TMEM154: variants seen among roughly 807,000 people sequenced by gnomAD.
TMEM154 encodes the protein transmembrane protein 154.
TMEM154 carries 27 observed loss-of-function variants against 24.5 expected under a neutral mutation model. The ratio of observed to expected loss-of-function variants is 1.10; its 90% CI spans 0.81 to 1.52. The LOEUF (loss-of-function observed/expected upper bound fraction) is 1.52, where lower values mean the gene tolerates loss of function less well. Ranked by LOEUF, TMEM154 falls within the 40% of genes most tolerant of loss-of-function variation. The pLI is 0.00. For synonymous variants in TMEM154, 67 were observed against 76.8 expected (o/e 0.87, Z 0.67); for missense variants, 228 against 213.4 (o/e 1.07, Z -0.43).
intron 1 of TMEM154, among the ~76,000 whole-genome samples, chr4:152,660,858 G>A (rs572082338): frequency 1.8e-4 from 27 of 152,292 alleles, no homozygotes; most frequent in Non-Finnish European, 3.5e-4. Context: ...GCTCAGATGC[G>A]TTGCCAGAAA....
intron 1 of TMEM154, among the ~76,000 whole-genome samples, chr4:152,679,050 G>C (rs1305653306): frequency 2.0e-5 from 3 of 152,244 alleles, no homozygotes; most frequent in African/African-American, 7.2e-5. Context: ...ACAATGGGCA[G>C]CCAGTGTATT....
intron 3 of TMEM154, among the ~76,000 whole-genome samples, chr4:152,649,093 T>C (rs1174952424): frequency 6.6e-6 from 1 of 152,234 alleles, no homozygotes; most frequent in East Asian, 1.9e-4. Flanking sequence ...CCTCATCTGC[T>C]GACTGTGAAA....
intron 3 of TMEM154, among the ~76,000 whole-genome samples, chr4:152,651,184 A>ATTTTT (rs36036886): frequency 6.9e-6 from 1 of 145,116 alleles, no homozygotes; most frequent in Non-Finnish European, 1.5e-5. Flanking sequence ...CCTAGATGGC[A>ATTTTT]TTTTTTTTTT....
intron 1 of TMEM154, chr4:152,666,412 T>C (rs915616106): frequency 5.3e-5 from 8 of 152,206 alleles, no homozygotes; most frequent in African/African-American, 1.9e-4. Flanking sequence ...AATTTGCCAT[T>C]GTTCGTGAAG....
rs770340153 is a variant in TMEM154 at position 152,628,586 on chromosome 4, AAAAAAAC to A, written c.537-32_537-26del. ...ACTGTAAAAAAAAAAAAAAAAAAAA[AAAAAAAC>A]AAAAAAAACACACACACACACACAA... On this transcript the variant is annotated intron_variant, in intron 6 of 6. Transcript: ENST00000304385. 7.0e-4 allele frequency: 762 copies of A among 1,094,212 alleles called. 113 individuals carry two copies. The highest frequency in any genetic ancestry group is 1.4e-3 in the South Asian group (74 of 54,282). The allele number at this position is 1,094,212 out of a possible 1,614,324, so 67.8% of individuals were successfully genotyped here.
chr4:152,673,972 C>T (rs1322264478), intron 1 of TMEM154, among the ~76,000 whole-genome samples: 1 of 151,712 alleles, frequency 6.6e-6, no homozygotes, highest in African/African-American at 2.4e-5. Flanking sequence ...AATTATTCTC[C>T]AGAATGGTTG....
intron 3 of TMEM154, among the ~76,000 whole-genome samples, chr4:152,650,311 A>G (rs1043199305): frequency 1.4e-4 from 22 of 152,044 alleles, no homozygotes; most frequent in Non-Finnish European, 3.2e-4. Flanking sequence ...AATATTCTAA[A>G]TCCTCTGTTG....
intron 6 of TMEM154, among the ~76,000 whole-genome samples, chr4:152,637,762 T>C (rs185560010): frequency 6.6e-6 from 1 of 152,284 alleles, no homozygotes; most frequent in Non-Finnish European, 1.5e-5. Flanking sequence ...GACCCACAAA[T>C]GCACTTTCCA....
intron 5 of TMEM154, among the ~76,000 whole-genome samples, chr4:152,642,672 G>C (rs1025171438): frequency 2.0e-5 from 3 of 152,004 alleles, no homozygotes; most frequent in African/African-American, 7.3e-5. Context: ...GCCACATTTG[G>C]TGATTATCTA....
chr4:152,670,521 G>A (rs1362081518), intron 1 of TMEM154, among the ~76,000 whole-genome samples: 2 of 152,100 alleles, frequency 1.3e-5, no homozygotes, highest in African/African-American at 2.4e-5. Context: ...GCTTGAACCC[G>A]GGAGCCGGAG....
chr4:152,621,065 T>C lies in TMEM154; in HGVS notation c.*7481A>G, dbSNP rs1751837903. 1 of 152,248 alleles carries C rather than the reference T, an allele frequency of 6.6e-6. No individual in the cohort carries two copies. The highest frequency in any genetic ancestry group is 1.5e-5 in the Non-Finnish European group (1 of 68,048). 9.4% of individuals were successfully genotyped at this position (152,248 alleles called of 1,614,324 possible). A position where few individuals can be genotyped will look rare whatever the true frequency, so the allele number is the denominator to read the frequency against. ...CAGAATCCCTTATTGTTGAAAGTGA[T>C]AATGTACCAACCATAGAGATGACTG... On this transcript the variant is annotated 3_prime_UTR_variant, in exon 7 of 7. Transcript: ENST00000304385.
chr4:152,645,870 G>A (rs556483876), intron 3 of TMEM154, among the ~76,000 whole-genome samples: 76 of 151,510 alleles, frequency 5.0e-4, no homozygotes, highest in African/African-American at 1.8e-3. Flanking sequence ...CTGCCCTCCA[G>A]TAGGCATCTA....
At chr4:152,655,104 T>C (rs1335621920) in intron 1 of TMEM154, among the ~76,000 whole-genome samples, 2 of 152,110 alleles carry the variant, frequency 1.3e-5, no homozygotes, top group Non-Finnish European at 2.9e-5. Context: ...GGCAGTCACC[T>C]CTTCACAAAA....
chr4:152,631,792 CCTTTTTTTTTTTTTTT>C (rs1752048232), intron 6 of TMEM154, among the ~76,000 whole-genome samples: 1 of 131,462 alleles, frequency 7.6e-6, no homozygotes, highest in Non-Finnish European at 1.6e-5. Context: ...AATCTATCCC[CCTTTTTTTTTTTTTTT>C]TTTTTTTTTT....
chr4:152,661,350 C>A (rs972970926), intron 1 of TMEM154, among the ~76,000 whole-genome samples: 1 of 137,220 alleles, frequency 7.3e-6, no homozygotes, highest in Admixed American at 8.3e-5. Context: ...CTCCCCCCAA[C>A]TCTATGATAG....
chr4:152,675,562 G>T (rs555637050), intron 1 of TMEM154, among the ~76,000 whole-genome samples: 4 of 152,304 alleles, frequency 2.6e-5, no homozygotes, highest in African/African-American at 4.8e-5. Flanking sequence ...ACAAGGCAGA[G>T]GTTGCGGTGA....
intron 6 of TMEM154, among the ~76,000 whole-genome samples, chr4:152,630,356 A>G (rs1752014208): frequency 6.7e-6 from 1 of 150,302 alleles, no homozygotes; most frequent in African/African-American, 2.4e-5. Flanking sequence ...ACGTATTTCA[A>G]ATGAAAGCCT....
intron 3 of TMEM154, 47 bp from the exon 4 acceptor site, chr4:152,644,489 A>G (rs12650966): frequency 0.45 from 719,754 of 1,600,916 alleles, 164,947 homozygotes; most frequent in South Asian, 0.57. Context: ...GTTCTTCTGT[A>G]ACAACTTTTA....
Position 152,624,662 on chromosome 4 carries a change from A to G in TMEM154, c.*3884T>C, listed in dbSNP as rs1751889617. The G allele has an allele frequency of 6.9e-6, 1 of 144,514 alleles. No homozygotes were observed. Among genetic ancestry groups the G allele is most frequent in the Admixed American group, 6.9e-5 (1 of 14,572 alleles). 9.0% of individuals were successfully genotyped at this position (144,514 alleles called of 1,614,324 possible). ...TCCCCAAGAGGACTAAGAAGGAAAT[A>G]AAACTTTGGTGCCAGACAAGACAGT... On this transcript the variant is annotated 3_prime_UTR_variant, in exon 7 of 7. Coordinates refer to ENST00000304385, the MANE Select transcript of TMEM154 (RefSeq NM_152680.3).
Sources: gnomAD v4.1 joint callset for allele counts (sites outside exome capture counted in the v4.1 genomes callset) on GRCh38, gnomAD v4.1.1 for gene constraint, MANE v1.5 for transcripts, NCBI Gene and HGNC (gene_info 2026-07-23, HGNC 2026-07-21) for gene names.